The following HPSE variants were observed in gnomAD, a reference collection of about 807,000 sequenced individuals.
HPSE encodes heparanase, also known as endo-glucoronidase.
HPSE carries 48 observed loss-of-function variants against 65.1 expected under a neutral mutation model. That is an observed-to-expected ratio of 0.74 (90% CI 0.58 to 0.94). The LOEUF (loss-of-function observed/expected upper bound fraction) is 0.94, where lower values mean the gene tolerates loss of function less well. HPSE is among the 40% of genes least tolerant of loss of function. The pLI, the probability that HPSE is intolerant of heterozygous loss-of-function variation, is 0.00. For missense variants in HPSE, 644 were observed against 637.5 expected (o/e 1.01, Z -0.11); for synonymous variants, 243 against 260.0 (o/e 0.93, Z 0.63).
At position 83,319,254 on chromosome 4, in the gene HPSE, T is replaced by G. The variant is rs905981654; in HGVS notation, c.499+90A>C. 4.6e-6 allele frequency: 6 copies of G among 1,293,776 alleles called. No homozygotes were observed. The Middle Eastern group carries it at 5.7e-4, about 123-fold the overall frequency. The allele number at this position is 1,293,776 out of a possible 1,614,324, so 80.1% of individuals were successfully genotyped here. On this transcript the variant is annotated intron_variant, in intron 3 of 11. Coordinates refer to ENST00000311412, the MANE Select transcript of HPSE (RefSeq NM_001098540.3). Reference sequence around the variant, plus strand: ...TCAGTATTTTCAGCTTTATACAACTTCCGTAGGACTTGCTAGATTGGTGCC... The same window carrying G: ...TCAGTATTTTCAGCTTTATACAACTGCCGTAGGACTTGCTAGATTGGTGCC...
chr4:83,313,036 A>G lies in HPSE; in HGVS notation c.673+78T>C, dbSNP rs181367608. Reference sequence around the variant, plus strand: ...GACTCTGTCTCAAAAAAAAAAAAAAAAAAAAGAAAAAGAAAAGAAAAGAAA... The same window carrying G: ...GACTCTGTCTCAAAAAAAAAAAAAAGAAAAAGAAAAAGAAAAGAAAAGAAA... On this transcript the variant is annotated intron_variant, in intron 4 of 11. Transcript: ENST00000311412. 4.4e-3 allele frequency: 4,470 copies of G among 1,025,904 alleles called. 117 individuals are homozygous for G. In the African/African-American group the frequency reaches 0.063, roughly 15 times the overall value. The allele number at this position is 1,025,904 out of a possible 1,614,324, so 63.6% of individuals were successfully genotyped here. A position where few individuals can be genotyped will look rare whatever the true frequency, so the allele number is the denominator to read the frequency against.
intron 11 of HPSE, among the ~76,000 whole-genome samples, chr4:83,300,568 A>AACTTGATATAGTTGACTTTGTCTTTTG (rs1355408617): frequency 1.0e-4 from 9 of 86,250 alleles, no homozygotes; most frequent in Admixed American, 3.9e-4. Context: ...GAATTATTAC[A>AACTTGATATAGTTGACTTTGTCTTTTG]CTTTGGGAGG....
intron 9 of HPSE, among the ~76,000 whole-genome samples, chr4:83,302,481 T>C (rs1042264677): frequency 1.3e-5 from 2 of 151,850 alleles, no homozygotes; most frequent in East Asian, 3.9e-4. Flanking sequence ...TTTTTATCAC[T>C]GGAGGACACA....
At chr4:83,298,939 A>C (rs1297472374) in intron 11 of HPSE, among the ~76,000 whole-genome samples, 1 of 152,182 alleles carries the variant, frequency 6.6e-6, no homozygotes, top group Non-Finnish European at 1.5e-5. Flanking sequence ...CTTATCTAGG[A>C]TACTATTTTG....
rs748511244 is a variant in HPSE, at chr4:83,334,807, C to G, written c.-25G>C. On this transcript the variant is annotated 5_prime_UTR_variant, in exon 1 of 12. Transcript: ENST00000311412. ...TCTTGGGCTCACCTGGCTGCTCCCCCCGCCAGCTGCCGCGCAGCGGAGAGT... is the reference window on the plus strand; with the variant it reads ...TCTTGGGCTCACCTGGCTGCTCCCCGCGCCAGCTGCCGCGCAGCGGAGAGT... 91 of 1,486,748 alleles carry G rather than the reference C, an allele frequency of 6.1e-5. No individual in the cohort carries two copies. The highest frequency in any genetic ancestry group is 7.5e-5 in the Non-Finnish European group (84 of 1,119,120). 92.1% of individuals were successfully genotyped at this position (1,486,748 alleles called of 1,614,324 possible).
intron 4 of HPSE, among the ~76,000 whole-genome samples, chr4:83,312,717 G>T (rs996188469): frequency 3.5e-5 from 5 of 142,176 alleles, no homozygotes; most frequent in African/African-American, 1.3e-4. Context: ...AATAATGCTA[G>T]CCGGGCCTGG....
At position 83,293,767 on chromosome 4, in the gene HPSE, A is replaced by G. The variant is rs1735628874; in HGVS notation, c.*1577T>C. The G allele has an allele frequency of 6.6e-6, 1 of 152,218 alleles. No homozygotes were observed. The highest frequency in any genetic ancestry group is 1.5e-5 in the Non-Finnish European group (1 of 68,046). 9.4% of individuals were successfully genotyped at this position (152,218 alleles called of 1,614,324 possible). A position where few individuals can be genotyped will look rare whatever the true frequency, so the allele number is the denominator to read the frequency against. ...CATTAACCATTTTTTATACTATCAT[A>G]TCTAACAATCTGTCCTCTCACATAT... On this transcript the variant is annotated 3_prime_UTR_variant, in exon 12 of 12. Transcript: ENST00000311412.
chr4:83,302,158 G>GT lies in HPSE; in HGVS notation c.1316dup (p.Asn439LysfsTer3), dbSNP rs770452894. On this transcript the variant is annotated frameshift_variant, in exon 10 of 12. Transcript: ENST00000311412. LOFTEE classifies it high-confidence loss of function. ...GTGTGTTTCATACTTACTTGTCAGT[G>GT]TTTGTGCAATGAAGGTATACTCGAA... 29 of 1,606,948 alleles carry GT rather than the reference G, an allele frequency of 1.8e-5. 2 individuals are homozygous for GT. In the South Asian group the frequency reaches 3.2e-4, roughly 18 times the overall value.
Position 83,293,044 on chromosome 4 carries a change from G to A in HPSE, c.*2300C>T, listed in dbSNP as rs1735605057. ...TTTAAAGATACTATATCCATAACAG[G>A]CATACATTTGAAGAATATTAATCCT... On this transcript the variant is annotated 3_prime_UTR_variant, in exon 12 of 12. Coordinates refer to ENST00000311412, the MANE Select transcript of HPSE (RefSeq NM_001098540.3). The A allele has an allele frequency of 6.6e-6, 1 of 152,062 alleles. No individual in the cohort carries two copies. The highest frequency in any genetic ancestry group is 6.6e-5 in the Admixed American group (1 of 15,266). 9.4% of individuals were successfully genotyped at this position (152,062 alleles called of 1,614,324 possible). A position where few individuals can be genotyped will look rare whatever the true frequency, so the allele number is the denominator to read the frequency against.
At chr4:83,312,823 C>A (rs1352924198) in intron 4 of HPSE, among the ~76,000 whole-genome samples, 1 of 132,618 alleles carries the variant, frequency 7.5e-6, no homozygotes, top group African/African-American at 2.9e-5. Flanking sequence ...CGGTGAAACC[C>A]CGTCTCTACT....
At chr4:83,334,187 C>A (rs1014999672) in intron 1 of HPSE, among the ~76,000 whole-genome samples, 4 of 152,102 alleles carry the variant, frequency 2.6e-5, no homozygotes, top group Non-Finnish European at 4.4e-5. Context: ...ACACTGGAGA[C>A]TCCAAAAGGT....
intron 9 of HPSE, among the ~76,000 whole-genome samples, chr4:83,303,303 T>C (rs1278434405): frequency 6.6e-6 from 1 of 152,222 alleles, no homozygotes; most frequent in African/African-American, 2.4e-5. Context: ...TTACCTGTTT[T>C]TTCACATTAA....
At chr4:83,321,526 G>C (rs1479891049) in intron 2 of HPSE, among the ~76,000 whole-genome samples, 1 of 152,086 alleles carries the variant, frequency 6.6e-6, no homozygotes, top group Admixed American at 6.5e-5. Flanking sequence ...TGCCCAGGCT[G>C]GTCCCGAACT....
chr4:83,310,671 C>T (rs138490774), intron 5 of HPSE, 51 bp downstream of exon 5: 1 of 1,542,032 alleles, frequency 6.5e-7, no homozygotes, highest in Admixed American at 2.0e-5. Flanking sequence ...GACTCTGTCT[C>T]AAAAGGAAAA....
At chr4:83,302,059 T>C (rs1175595343) in intron 10 of HPSE, 91 bp downstream of exon 10, 5 of 704,674 alleles carry the variant, frequency 7.1e-6, no homozygotes, top group African/African-American at 1.8e-5. Context: ...ACTTATGCAA[T>C]GTATAGACAC....
At position 83,319,455 on chromosome 4, in the gene HPSE, C is replaced by T; in HGVS notation, c.388G>A (p.Gly130Arg). The change falls in exon 3 of 12, where the codon GGA (glycine) becomes AGA (arginine). Residue 130 changes from glycine to arginine, a missense_variant. Gly to Arg is a moderately radical substitution (Grantham distance 125). Transcript: ENST00000311412. ...SQVNQDICKY[G>R]SIPPDVEEKL... is the part of the protein sequence containing the mutation. ...TCCTCCACATCAGGAGGGATGGATC[C>T]ATATTTGCAAATATCTGCAAGTGGA... 1.2e-6 allele frequency: 2 copies of T among 1,613,746 alleles called. No homozygotes were observed. The highest frequency in any genetic ancestry group is 2.2e-5 in the South Asian group (2 of 91,058).
chr4:83,334,447 G>C, intron 1 of HPSE, 109 bp downstream of exon 1: 1 of 1,244,226 alleles, frequency 8.0e-7, no homozygotes. Context: ...CAGGCGGGGA[G>C]GTTCCGGTGT....
At chr4:83,301,778 T>C (rs1735957524) in intron 10 of HPSE, among the ~76,000 whole-genome samples, 1 of 152,206 alleles carries the variant, frequency 6.6e-6, no homozygotes. Flanking sequence ...AGTATGAGGC[T>C]ACAAAAATCT....
In HPSE at chr4:83,292,677, T is replaced by A. The variant is rs921696548; in HGVS notation, c.*2667A>T. 2 of 152,234 alleles carry A rather than the reference T, an allele frequency of 1.3e-5. No individual in the cohort carries two copies. The highest frequency in any genetic ancestry group is 3.8e-4 in the East Asian group (2 of 5,206). 9.4% of individuals were successfully genotyped at this position (152,234 alleles called of 1,614,324 possible). On this transcript the variant is annotated 3_prime_UTR_variant, in exon 12 of 12. Coordinates refer to ENST00000311412, the MANE Select transcript of HPSE (RefSeq NM_001098540.3). ...GTATATATGTACCATGGACTATTAC[T>A]CAGCCATAAAGAAGAATAATGTATT... is the stretch of plus-strand genomic sequence containing the variant.
Sources: gnomAD v4.1 joint callset for allele counts (sites outside exome capture counted in the v4.1 genomes callset) on GRCh38, gnomAD v4.1.1 for gene constraint, MANE v1.5 for transcripts, NCBI Gene and HGNC (gene_info 2026-07-23, HGNC 2026-07-21) for gene names.